SRGAP1: variants seen among roughly 807,000 people sequenced by gnomAD.
SRGAP1 encodes SLIT-ROBO Rho GTPase activating protein 1, also known as SLIT-ROBO Rho GTPase-activating protein 1.
Under a neutral mutation model 121.9 loss-of-function variants are expected in SRGAP1, and 43 were observed. That is an observed-to-expected ratio of 0.35 (90% CI 0.28 to 0.46). The LOEUF (loss-of-function observed/expected upper bound fraction) is 0.46, where lower values mean the gene tolerates loss of function less well. Ranked by LOEUF, SRGAP1 falls within the 20% of genes least tolerant of loss-of-function variation. The pLI is 1.00. For missense variants in SRGAP1, 1,102 were observed against 1,350.9 expected (o/e 0.82, Z 2.89); for synonymous variants, 447 against 485.4 (o/e 0.92, Z 1.04).
chr12:63,901,831 T>C (rs560990971), intron 1 of SRGAP1, among the ~76,000 whole-genome samples: 15 of 152,340 alleles, frequency 9.8e-5, no homozygotes, highest in African/African-American at 3.4e-4. Context: ...TAATCAAGCT[T>C]GAACTCTAAA....
intron 3 of SRGAP1, among the ~76,000 whole-genome samples, chr12:63,993,724 A>G (rs2033619807): frequency 6.6e-6 from 1 of 152,152 alleles, no homozygotes. Flanking sequence ...GTCTAAATGG[A>G]TATAATAATC....
intron 1 of SRGAP1, among the ~76,000 whole-genome samples, chr12:63,919,679 A>G (rs1031186317): frequency 6.6e-6 from 1 of 151,994 alleles, no homozygotes; most frequent in Non-Finnish European, 1.5e-5. Context: ...TTTTGAAGCA[A>G]CTACTTCCTA....
At chr12:63,999,282 A>G (rs1045070307) in intron 3 of SRGAP1, among the ~76,000 whole-genome samples, 1 of 152,184 alleles carries the variant, frequency 6.6e-6, no homozygotes, top group Non-Finnish European at 1.5e-5. Context: ...TAAAGGCCAT[A>G]TTGAGGAGTT....
chr12:64,126,605 T>C (rs1324126472), intron 19 of SRGAP1, among the ~76,000 whole-genome samples: 4 of 152,208 alleles, frequency 2.6e-5, no homozygotes, highest in African/African-American at 9.7e-5. Context: ...TTCAAAAGTA[T>C]TTAAAGACAT....
chr12:64,050,761 G>A (rs953998719), intron 6 of SRGAP1, among the ~76,000 whole-genome samples: 1 of 152,138 alleles, frequency 6.6e-6, no homozygotes, highest in African/African-American at 2.4e-5. Context: ...ATCTTGCTCT[G>A]TTGCCCAGGC....
At chr12:64,011,982 C>T (rs942757050) in intron 3 of SRGAP1, among the ~76,000 whole-genome samples, 1 of 151,734 alleles carries the variant, frequency 6.6e-6, no homozygotes, top group Non-Finnish European at 1.5e-5. Context: ...TGCCTGTAGT[C>T]CCAGCTACTC....
intron 1 of SRGAP1, among the ~76,000 whole-genome samples, chr12:63,978,260 A>G (rs757628129): frequency 1.9e-4 from 29 of 152,252 alleles, no homozygotes; most frequent in Non-Finnish European, 2.9e-4. Context: ...CAAAAATGCA[A>G]TTCAGTGGCT....
intron 15 of SRGAP1, among the ~76,000 whole-genome samples, chr12:64,105,402 T>C (rs1445416360): frequency 1.3e-5 from 2 of 152,188 alleles, no homozygotes; most frequent in Non-Finnish European, 2.9e-5. Context: ...TCAATTCTTA[T>C]TAAATAAAAT....
intron 1 of SRGAP1, among the ~76,000 whole-genome samples, chr12:63,854,467 T>C (rs1415757957): frequency 1.3e-5 from 2 of 152,188 alleles, no homozygotes; most frequent in Non-Finnish European, 2.9e-5. Context: ...TTCTTGAAAG[T>C]AATCTTGGGG....
chr12:63,929,968 G>C (rs1160833210), intron 1 of SRGAP1, among the ~76,000 whole-genome samples: 1 of 152,082 alleles, frequency 6.6e-6, no homozygotes, highest in Non-Finnish European at 1.5e-5. Flanking sequence ...GATCATCAGA[G>C]AAATGCAAAA....
intron 1 of SRGAP1, among the ~76,000 whole-genome samples, chr12:63,941,009 G>A (rs1432987598): frequency 6.6e-6 from 1 of 152,154 alleles, no homozygotes; most frequent in Admixed American, 6.5e-5. Flanking sequence ...TCTAGAGACC[G>A]AGTGTCAGAA....
intron 6 of SRGAP1, among the ~76,000 whole-genome samples, chr12:64,045,946 T>C (rs1281803518): frequency 2.6e-5 from 4 of 152,074 alleles, no homozygotes; most frequent in African/African-American, 4.8e-5. Flanking sequence ...CACACACACA[T>C]ATAAAATAAG....
chr12:63,958,039 C>T (rs2136375499), intron 1 of SRGAP1, among the ~76,000 whole-genome samples: 1 of 150,628 alleles, frequency 6.6e-6, no homozygotes, highest in South Asian at 2.1e-4. Context: ...TATCTGAAGT[C>T]TTTGAAACTA....
chr12:64,124,501 A>T (rs1464442519), intron 18 of SRGAP1, among the ~76,000 whole-genome samples: 1 of 152,246 alleles, frequency 6.6e-6, no homozygotes, highest in Non-Finnish European at 1.5e-5. Flanking sequence ...TCCTGTAAGT[A>T]TATGCCCCTT....
At position 64,127,660 on chromosome 12, in the gene SRGAP1, G is replaced by T. The variant is rs1592346887; in HGVS notation, c.2476G>T (p.Asp826Tyr). Reference protein sequence around the residue: ...SEASSGPVTEDKSSSKDMNSP... With the variant: ...SEASSGPVTEYKSSSKDMNSP... ...GGCCAGCAGTGGGCCAGTCACGGAA[G>T]ACAAGTCCTCATCCAAGGACATGAA... Residue 826 changes from aspartate to tyrosine, a missense_variant, in exon 20 of 22, where the codon GAC (aspartate) becomes TAC (tyrosine). Coordinates refer to ENST00000355086, the MANE Select transcript of SRGAP1 (RefSeq NM_020762.4). 5 of 1,614,120 alleles carry T rather than the reference G, an allele frequency of 3.1e-6. No homozygotes were observed. Among genetic ancestry groups the T allele is most frequent in the Non-Finnish European group, 4.2e-6 (5 of 1,180,014 alleles).
At chr12:64,113,121 A>C (rs1024843143) in intron 17 of SRGAP1, among the ~76,000 whole-genome samples, 1 of 151,902 alleles carries the variant, frequency 6.6e-6, no homozygotes, top group African/African-American at 2.4e-5. Context: ...AAGAAAAAAA[A>C]AAAAGGCTGG....
rs192844632 is a variant in SRGAP1 at position 64,128,346 on chromosome 12, C to T, written c.2880+146C>T. 19 of 833,122 alleles carry T rather than the reference C, an allele frequency of 2.3e-5. No homozygotes were observed. The Middle Eastern group carries it at 1.1e-3, about 49-fold the overall frequency. 51.6% of individuals were successfully genotyped at this position (833,122 alleles called of 1,614,324 possible). ...AAAGAAAACAGAAACAAAACCAGCT[C>T]ATTCTTTAACTTAGGCCCTGAGTCT... On this transcript the variant is annotated intron_variant, in intron 21 of 21. Transcript: ENST00000355086.
rs140347673 is a variant in SRGAP1 at position 63,987,777 on chromosome 12, G to A, written c.264-2133G>A. On this transcript the variant is annotated intron_variant, in intron 2 of 21. Coordinates refer to ENST00000355086, the MANE Select transcript of SRGAP1 (RefSeq NM_020762.4). The stretch of plus-strand genomic sequence containing the variant: ...CAAAGAATCTCTGCCTCAAATGGTA[G>A]TAATAAGGATTAAGTAGAGTTGATG... Among the ~76,000 whole-genome samples the A allele has an allele frequency of 3.7e-3, 560 of 152,228 alleles. 4 individuals are homozygous for A. The highest frequency in any genetic ancestry group is 0.013 in the African/African-American group (535 of 41,546).
intron 1 of SRGAP1, among the ~76,000 whole-genome samples, chr12:63,874,903 G>A (rs1213571835): frequency 6.6e-6 from 1 of 151,844 alleles, no homozygotes; most frequent in African/African-American, 2.4e-5. Context: ...ATCCTCTATC[G>A]TCTTTGGTCC....
Sources: allele counts gnomAD v4.1 joint callset (sites outside exome capture counted in the v4.1 genomes callset), GRCh38; gene constraint gnomAD v4.1.1; transcripts MANE v1.5; gene names NCBI Gene and HGNC (gene_info 2026-07-23, HGNC 2026-07-21).